SMAD4: variants seen among roughly 807,000 people sequenced by gnomAD.
The protein encoded by SMAD4 is SMAD family member 4.
Under a neutral mutation model 63.2 loss-of-function variants are expected in SMAD4, and 7 were observed. The observed-to-expected ratio is 0.11, with a 90% CI of 0.06 to 0.21. The LOEUF (loss-of-function observed/expected upper bound fraction) is 0.21. Among genes scored for constraint, SMAD4 ranks in the 10% least tolerant of loss-of-function variants. The pLI, the probability that SMAD4 is intolerant of heterozygous loss-of-function variation, is 1.00. For missense variants in SMAD4, 312 were observed against 693.8 expected (o/e 0.45, Z 6.18); for synonymous variants, 215 against 235.4 (o/e 0.91, Z 0.79).
rs386387676 is a variant in SMAD4, at chr18:51,058,485, A to AT, written c.904+45dup. ...AGCTCTTGTTTTTGTTGTAAGGGCT[A>AT]TTTTTTTTTTTTTTTTGGTAGGGCT... On this transcript the variant is annotated intron_variant, in intron 7 of 11. Transcript: ENST00000342988. The AT allele has an allele frequency of 0.11, 118,379 of 1,063,588 alleles. 492 individuals carry two copies. The highest frequency in any genetic ancestry group is 0.15 in the East Asian group (5,840 of 38,182). 65.9% of individuals were successfully genotyped at this position (1,063,588 alleles called of 1,614,324 possible).
intron 1 of SMAD4, among the ~76,000 whole-genome samples, chr18:51,042,656 A>G (rs796398916): frequency 2.0e-5 from 3 of 151,144 alleles, no homozygotes; most frequent in African/African-American, 7.4e-5. Context: ...TCGGCCTCTT[A>G]AAGTGCTGGG....
At chr18:51,039,140 CAG>C (rs1479172403) in intron 1 of SMAD4, among the ~76,000 whole-genome samples, 3 of 152,160 alleles carry the variant, frequency 2.0e-5, no homozygotes, top group Non-Finnish European at 4.4e-5. Context: ...ATCCTGAGAT[CAG>C]AGAGTTTGAC....
chr18:51,068,222 T>C (rs1910216046), intron 10 of SMAD4, among the ~76,000 whole-genome samples: 1 of 152,234 alleles, frequency 6.6e-6, no homozygotes, highest in Non-Finnish European at 1.5e-5. Flanking sequence ...AATTTTTTTA[T>C]ATGACACTTT....
chr18:51,059,840 T>G, intron 7 of SMAD4, 26 bp from the exon 8 acceptor site: 2 of 1,598,080 alleles, frequency 1.3e-6, no homozygotes, highest in Non-Finnish European at 1.7e-6. Context: ...TAAATAAAAA[T>G]GGAATTTTTG....
chr18:51,076,379 C>G (rs541362923), intron 10 of SMAD4, among the ~76,000 whole-genome samples: 2 of 152,110 alleles, frequency 1.3e-5, no homozygotes, highest in Non-Finnish European at 2.9e-5. Flanking sequence ...TGACCCACTT[C>G]GAACTAGATA....
At chr18:51,039,733 T>C (rs1909318178) in intron 1 of SMAD4, among the ~76,000 whole-genome samples, 1 of 152,108 alleles carries the variant, frequency 6.6e-6, no homozygotes, top group Non-Finnish European at 1.5e-5. Context: ...CTTTGTTATT[T>C]CTTCTTTTAA....
At chr18:51,041,095 A>G (rs1247662547) in intron 1 of SMAD4, among the ~76,000 whole-genome samples, 1 of 151,962 alleles carries the variant, frequency 6.6e-6, no homozygotes, top group Non-Finnish European at 1.5e-5. Flanking sequence ...GCCCCAGTCT[A>G]GGATCTTACC....
rs758087098 is a variant in SMAD4 at position 51,078,217 on chromosome 18, A to G, written c.1448-39A>G. The G allele has an allele frequency of 3.3e-6, 5 of 1,513,234 alleles. No individual in the cohort carries two copies. The Middle Eastern group carries it at 8.6e-4, about 262-fold the overall frequency. The allele number at this position is 1,513,234 out of a possible 1,614,324, so 93.7% of individuals were successfully genotyped here. A position where few individuals can be genotyped will look rare whatever the true frequency, so the allele number is the denominator to read the frequency against. On this transcript the variant is annotated intron_variant, in intron 11 of 11. Coordinates refer to ENST00000342988, the MANE Select transcript of SMAD4 (RefSeq NM_005359.6). ...AATGTAGGGAGGATGGGAAGAGATC[A>G]CCCTGTCCCTCTGATGTCTTCCAAA... is the stretch of plus-strand genomic sequence containing the variant.
rs1417439298 is a variant in SMAD4, at chr18:51,081,941, C to T, written c.*3474C>T. ...TGATGGTAACTGGTTAATAGTTACTCACCATTTTATGCAGAGTCACATTAG... is the reference window on the plus strand; with the variant it reads ...TGATGGTAACTGGTTAATAGTTACTTACCATTTTATGCAGAGTCACATTAG... On this transcript the variant is annotated 3_prime_UTR_variant, in exon 12 of 12. Transcript: ENST00000342988. 4.3e-6 allele frequency: 1 copy of T among 231,876 alleles called. No individual in the cohort carries two copies. Among genetic ancestry groups the T allele is most frequent in the Non-Finnish European group, 8.5e-6 (1 of 117,350 alleles). 14.4% of individuals were successfully genotyped at this position (231,876 alleles called of 1,614,324 possible).
intron 5 of SMAD4, among the ~76,000 whole-genome samples, chr18:51,056,135 CT>C (rs1909839118): frequency 1.3e-5 from 2 of 152,136 alleles, no homozygotes; most frequent in Admixed American, 1.3e-4. Context: ...TATCTGTCTA[CT>C]TTTTATTTAC....
chr18:51,057,768 CAG>C (rs1392793622), intron 5 of SMAD4, among the ~76,000 whole-genome samples: 1 of 152,078 alleles, frequency 6.6e-6, no homozygotes, highest in South Asian at 2.1e-4. Context: ...CAGAAAGGTC[CAG>C]AGAGAGAGGT....
At chr18:51,035,441 C>G (rs1909176010) in intron 1 of SMAD4, among the ~76,000 whole-genome samples, 1 of 152,078 alleles carries the variant, frequency 6.6e-6, no homozygotes, top group Non-Finnish European at 1.5e-5. Context: ...CTTCAGGAGG[C>G]TAAGGCAAGA....
chr18:51,051,883 T>C (rs1909723540), intron 4 of SMAD4, among the ~76,000 whole-genome samples: 1 of 152,120 alleles, frequency 6.6e-6, no homozygotes, highest in Non-Finnish European at 1.5e-5. Context: ...TTCGGCTCAC[T>C]GCAACCTCCG....
intron 10 of SMAD4, among the ~76,000 whole-genome samples, chr18:51,076,404 G>A (rs898549583): frequency 6.6e-6 from 1 of 152,164 alleles, no homozygotes; most frequent in African/African-American, 2.4e-5. Context: ...ATACAGAGGC[G>A]TGTGGCAGCC....
At chr18:51,063,581 T>C (rs1298577141) in intron 8 of SMAD4, among the ~76,000 whole-genome samples, 1 of 151,876 alleles carries the variant, frequency 6.6e-6, no homozygotes, top group African/African-American at 2.4e-5. Context: ...CCCAGCCAAT[T>C]TTTCTATTTT....
At position 51,079,970 on chromosome 18, in the gene SMAD4, T is replaced by A. The variant is rs1023129132; in HGVS notation, c.*1503T>A. On this transcript the variant is annotated 3_prime_UTR_variant, in exon 12 of 12. Transcript: ENST00000342988. The stretch of plus-strand genomic sequence containing the variant: ...GTGTATCATGTGTAGAGTTGGTTTT[T>A]TTTTTTTTTAATTTTTATTTTACTA... 4 of 232,034 alleles carry A rather than the reference T, an allele frequency of 1.7e-5. No individual in the cohort carries two copies. The highest frequency in any genetic ancestry group is 1.1e-4 in the Admixed American group (2 of 17,738). The allele number at this position is 232,034 out of a possible 1,614,324, so 14.4% of individuals were successfully genotyped here.
chr18:51,077,128 A>C, intron 11 of SMAD4: 1 of 164,268 alleles, frequency 6.1e-6, no homozygotes, highest in Non-Finnish European at 1.3e-5. Flanking sequence ...TCTAGTAAGG[A>C]AAGCATATTT....
chr18:51,055,320 T>G (rs1275089996), intron 5 of SMAD4, among the ~76,000 whole-genome samples: 1 of 152,132 alleles, frequency 6.6e-6, no homozygotes, highest in Non-Finnish European at 1.5e-5. Context: ...TTTATGAAGG[T>G]CTGTGTTAAT....
At chr18:51,039,248 C>T (rs1909301777) in intron 1 of SMAD4, among the ~76,000 whole-genome samples, 1 of 152,158 alleles carries the variant, frequency 6.6e-6, no homozygotes, top group African/African-American at 2.4e-5. Context: ...GCTGTTATTT[C>T]TAAGGACGTT....
Sources: gnomAD v4.1 joint callset for allele counts (sites outside exome capture counted in the v4.1 genomes callset) on GRCh38, gnomAD v4.1.1 for gene constraint, MANE v1.5 for transcripts, NCBI Gene and HGNC (gene_info 2026-07-23, HGNC 2026-07-21) for gene names.